Variants in SLC38A6 observed in about 807,000 individuals in gnomAD.
The protein encoded by SLC38A6 is solute carrier family 38 member 6, also known as N system amino acid transporter NAT-1.
Under a neutral mutation model 65.0 loss-of-function variants are expected in SLC38A6, and 73 were observed. The observed-to-expected ratio is 1.12, with a 90% CI of 0.93 to 1.37. The LOEUF (loss-of-function observed/expected upper bound fraction) is 1.37, where lower values mean the gene tolerates loss of function less well. SLC38A6 is among the 40% of genes most tolerant of loss of function. The pLI, the probability that SLC38A6 is intolerant of heterozygous loss-of-function variation, is 0.00. For missense variants in SLC38A6, 561 were observed against 531.1 expected (o/e 1.06, Z -0.55); for synonymous variants, 183 against 178.8 (o/e 1.02, Z -0.19).
intron 4 of SLC38A6, among the ~76,000 whole-genome samples, chr14:61,016,267 A>T (rs77641969): frequency 3.9e-5 from 6 of 152,324 alleles, no homozygotes; most frequent in African/African-American, 1.4e-4. Flanking sequence ...AATTTTGATT[A>T]TGTACTCATA....
chr14:61,021,706 G>A (rs2040352856), intron 5 of SLC38A6, among the ~76,000 whole-genome samples: 1 of 152,126 alleles, frequency 6.6e-6, no homozygotes. Flanking sequence ...CTTAAATTTA[G>A]AAAAGCTAGT....
In SLC38A6 at chr14:61,052,588, C is replaced by A; in HGVS notation, c.*159C>A. 1.1e-6 allele frequency: 1 copy of A among 944,856 alleles called. No individual in the cohort carries two copies. Among genetic ancestry groups the A allele is most frequent in the Non-Finnish European group, 1.4e-6 (1 of 713,214 alleles). The allele number at this position is 944,856 out of a possible 1,614,324, so 58.5% of individuals were successfully genotyped here. ...TGGGTATGGGGAAGTAAGAGTGTGG[C>A]AGTTTTAATCAAAAAAAGAAACAAA... On this transcript the variant is annotated 3_prime_UTR_variant, in exon 16 of 16. Coordinates refer to ENST00000267488, the MANE Select transcript of SLC38A6 (RefSeq NM_153811.3).
At chr14:61,014,172 G>T (rs2039810893) in intron 3 of SLC38A6, among the ~76,000 whole-genome samples, 1 of 152,110 alleles carries the variant, frequency 6.6e-6, no homozygotes, top group African/African-American at 2.4e-5. Flanking sequence ...CCAGTTGATT[G>T]AATCGGCTAC....
chr14:61,020,719 T>G (rs539681639), intron 5 of SLC38A6, among the ~76,000 whole-genome samples: 2 of 152,174 alleles, frequency 1.3e-5, no homozygotes, highest in Non-Finnish European at 1.5e-5. Context: ...ATTTATGAAT[T>G]TATTATAGTC....
chr14:60,998,199 AC>A (rs1486213079), intron 3 of SLC38A6, among the ~76,000 whole-genome samples: 2 of 151,418 alleles, frequency 1.3e-5, no homozygotes, highest in Non-Finnish European at 2.9e-5. Context: ...AAAGGCCCCC[AC>A]CCCCCAAGCC....
chr14:61,005,551 G>T (rs2039040949), intron 3 of SLC38A6, among the ~76,000 whole-genome samples: 1 of 151,554 alleles, frequency 6.6e-6, no homozygotes, highest in African/African-American at 2.4e-5. Context: ...GACAAACAGA[G>T]AGCCAAATCA....
At chr14:60,997,489 G>A (rs988402270) in intron 3 of SLC38A6, among the ~76,000 whole-genome samples, 3 of 152,162 alleles carry the variant, frequency 2.0e-5, no homozygotes, top group African/African-American at 7.2e-5. Flanking sequence ...CTCGCTCCAG[G>A]TCATGCCTGC....
chr14:61,062,039 A>G (rs932082980), intron 15 of SLC38A6, among the ~76,000 whole-genome samples: 4 of 152,038 alleles, frequency 2.6e-5, no homozygotes, highest in Non-Finnish European at 5.9e-5. Context: ...GGGTTTTACC[A>G]TGTTGGCCAG....
At chr14:61,070,850 C>T (rs1023869542) in intron 15 of SLC38A6, among the ~76,000 whole-genome samples, 1 of 152,046 alleles carries the variant, frequency 6.6e-6, no homozygotes, top group African/African-American at 2.4e-5. Flanking sequence ...GTTTGTATGT[C>T]TTTGGGGAAA....
chr14:61,030,608 G>T, intron 6 of SLC38A6, 85 bp downstream of exon 6: 1 of 904,608 alleles, frequency 1.1e-6, no homozygotes, highest in Admixed American at 2.3e-5. Flanking sequence ...TACTTGTAGT[G>T]GCAGGTAAAA....
intron 5 of SLC38A6, among the ~76,000 whole-genome samples, chr14:61,023,139 A>T (rs2139602490): frequency 6.6e-6 from 1 of 152,346 alleles, no homozygotes; most frequent in East Asian, 1.9e-4. Flanking sequence ...CAAAGAGACA[A>T]TTGAATATAC....
intron 3 of SLC38A6, among the ~76,000 whole-genome samples, chr14:60,998,138 A>T (rs1162168067): frequency 6.6e-6 from 1 of 151,752 alleles, no homozygotes; most frequent in Non-Finnish European, 1.5e-5. Context: ...AGTGACTTTG[A>T]TATGGGCAGG....
intron 3 of SLC38A6, among the ~76,000 whole-genome samples, chr14:61,014,285 C>A (rs1226563367): frequency 6.6e-6 from 1 of 152,138 alleles, no homozygotes; most frequent in African/African-American, 2.4e-5. Flanking sequence ...AGCCATTCGT[C>A]TAATTTTTTT....
intron 3 of SLC38A6, among the ~76,000 whole-genome samples, chr14:60,992,537 C>T (rs1267759288): frequency 6.6e-6 from 1 of 152,042 alleles, no homozygotes; most frequent in African/African-American, 2.4e-5. Context: ...TTAATTCATA[C>T]AGTTCAAAAG....
intron 15 of SLC38A6, among the ~76,000 whole-genome samples, chr14:61,068,434 A>C (rs1279297423): frequency 6.6e-6 from 1 of 152,134 alleles, no homozygotes; most frequent in Non-Finnish European, 1.5e-5. Flanking sequence ...GTCTGTACCT[A>C]CTTATTTCTC....
intron 15 of SLC38A6, among the ~76,000 whole-genome samples, chr14:61,077,020 T>C (rs963740005): frequency 1.3e-5 from 2 of 152,212 alleles, no homozygotes; most frequent in African/African-American, 2.4e-5. Flanking sequence ...TTTCCCAGAT[T>C]TGAGATTTCT....
intron 5 of SLC38A6, among the ~76,000 whole-genome samples, chr14:61,025,595 A>G (rs2040566114): frequency 1.3e-5 from 2 of 152,170 alleles, no homozygotes; most frequent in Non-Finnish European, 2.9e-5. Flanking sequence ...GGTTTTGAAA[A>G]TATTTTTCAT....
At chr14:61,051,066 T>G (rs1179191777) in intron 13 of SLC38A6, among the ~76,000 whole-genome samples, 1 of 152,232 alleles carries the variant, frequency 6.6e-6, no homozygotes, top group Non-Finnish European at 1.5e-5. Context: ...GTGAAAATAT[T>G]TTATTTGCTC....
intron 15 of SLC38A6, among the ~76,000 whole-genome samples, chr14:61,061,146 C>T (rs1423975036): frequency 6.6e-6 from 1 of 152,132 alleles, no homozygotes; most frequent in Admixed American, 6.5e-5. Flanking sequence ...TGGCTCCTCC[C>T]CCAAGTGTTG....
Sources: gnomAD v4.1 joint callset for allele counts (sites outside exome capture counted in the v4.1 genomes callset) on GRCh38, gnomAD v4.1.1 for gene constraint, MANE v1.5 for transcripts, NCBI Gene and HGNC (gene_info 2026-07-23, HGNC 2026-07-21) for gene names.